IFRD1: variants seen among roughly 807,000 people sequenced by gnomAD.
The protein encoded by IFRD1 is interferon-related developmental regulator 1.
Under a neutral mutation model 52.9 loss-of-function variants are expected in IFRD1, and 35 were observed. The observed-to-expected ratio is 0.66, with a 90% CI of 0.51 to 0.88. The LOEUF (loss-of-function observed/expected upper bound fraction) is 0.88, where lower values mean the gene tolerates loss of function less well. Among genes scored for constraint, IFRD1 ranks in the 40% least tolerant of loss-of-function variants. IFRD1 has a pLI of 0.00. For missense variants in IFRD1, 517 were observed against 550.8 expected, an observed-to-expected ratio of 0.94 and a Z score of 0.61; for synonymous variants, 184 against 188.4, an observed-to-expected ratio of 0.98 and a Z score of 0.19.
intron 1 of IFRD1, among the ~76,000 whole-genome samples, chr7:112,430,971 T>C (rs1413784073): frequency 2.0e-5 from 3 of 152,190 alleles, no homozygotes; most frequent in Non-Finnish European, 4.4e-5. Context: ...TTTGAGCTCC[T>C]CCTTTCTTCT....
intron 1 of IFRD1, chr7:112,452,012 G>A (rs977226337): frequency 1.0e-6 from 1 of 983,414 alleles, no homozygotes; most frequent in Non-Finnish European, 1.2e-6. Context: ...CATAGGGAGG[G>A]ATTCTTAAAA....
Position 112,468,244 on chromosome 7 carries a change from C to G in IFRD1, c.1041+129C>G, listed in dbSNP as rs575963033. 1.5e-4 allele frequency: 151 copies of G among 1,028,656 alleles called. No individual in the cohort carries two copies. In the African/African-American group the frequency reaches 2.1e-3, roughly 14 times the overall value. 63.7% of individuals were successfully genotyped at this position (1,028,656 alleles called of 1,614,324 possible). A position where few individuals can be genotyped will look rare whatever the true frequency, so the allele number is the denominator to read the frequency against. On this transcript the variant is annotated intron_variant, in intron 9 of 11. Transcript: ENST00000403825. ...AATAATTTCTCATTTTACGACCTAGCAGGTTTTTAACAATATAAGTGAAGA... is the reference window on the plus strand; with the variant it reads ...AATAATTTCTCATTTTACGACCTAGGAGGTTTTTAACAATATAAGTGAAGA...
At chr7:112,452,456 C>A in intron 1 of IFRD1, 1 of 983,192 alleles carries the variant, frequency 1.0e-6, no homozygotes, top group Non-Finnish European at 1.2e-6. Flanking sequence ...ATATTTCTTA[C>A]CACTGTGTTT....
At chr7:112,473,219 A>G (rs1401542689) in intron 11 of IFRD1, among the ~76,000 whole-genome samples, 1 of 152,130 alleles carries the variant, frequency 6.6e-6, no homozygotes. Context: ...ATGTACATAT[A>G]TATTTTACGT....
rs780340539 is a variant in IFRD1, at chr7:112,461,850, A to G, written c.568-16A>G. 95 of 1,309,662 alleles carry G rather than the reference A, an allele frequency of 7.3e-5. No individual in the cohort carries two copies. Among genetic ancestry groups the G allele is most frequent in the Non-Finnish European group, 9.4e-5 (87 of 921,996 alleles). The allele number at this position is 1,309,662 out of a possible 1,614,324, so 81.1% of individuals were successfully genotyped here. A position where few individuals can be genotyped will look rare whatever the true frequency, so the allele number is the denominator to read the frequency against. Reference sequence around the variant, plus strand: ...TAAAATCATTAATGTCTATATATATATATTTTTTTTTTTAGTGTGCAACTT... The same window carrying G: ...TAAAATCATTAATGTCTATATATATGTATTTTTTTTTTTAGTGTGCAACTT... On this transcript the variant is annotated splice_polypyrimidine_tract_variant and intron_variant, in intron 5 of 11. Coordinates refer to ENST00000403825, the MANE Select transcript of IFRD1 (RefSeq NM_001550.4).
At chr7:112,450,842 G>A (rs141852718) in intron 1 of IFRD1, 60 bp downstream of exon 1, 13,987 of 1,162,670 alleles carry the variant, frequency 0.012, 129 homozygotes, top group Non-Finnish European at 0.016. Flanking sequence ...AGTCTTCCAT[G>A]CTTCGGCACG....
intron 5 of IFRD1, among the ~76,000 whole-genome samples, chr7:112,459,975 TACTTA>T (rs918382442): frequency 1.3e-5 from 2 of 152,266 alleles, no homozygotes; most frequent in Non-Finnish European, 2.9e-5. Flanking sequence ...TAGCTTTTGC[TACTTA>T]ACTTTTTCTT....
At chr7:112,467,009 A>G (rs1795624526) in intron 8 of IFRD1, among the ~76,000 whole-genome samples, 1 of 152,206 alleles carries the variant, frequency 6.6e-6, no homozygotes, top group African/African-American at 2.4e-5. Flanking sequence ...AGAATATGTA[A>G]TTGGAAATAT....
Position 112,475,590 on chromosome 7 carries a change from C to A in IFRD1, c.*71C>A. On this transcript the variant is annotated 3_prime_UTR_variant, in exon 12 of 12. Coordinates refer to ENST00000403825, the MANE Select transcript of IFRD1 (RefSeq NM_001550.4). ...TATTTCAATGTATTTAAACTCTAGA[C>A]ACAGTTTTTATCCTGGATTAACTTA... 1 of 930,864 alleles carries A rather than the reference C, an allele frequency of 1.1e-6. No individual in the cohort carries two copies. Among genetic ancestry groups the A allele is most frequent in the Non-Finnish European group, 1.7e-6 (1 of 592,964 alleles). 57.7% of individuals were successfully genotyped at this position (930,864 alleles called of 1,614,324 possible). A position where few individuals can be genotyped will look rare whatever the true frequency, so the allele number is the denominator to read the frequency against.
intron 5 of IFRD1, among the ~76,000 whole-genome samples, chr7:112,459,394 T>G (rs1474037217): frequency 2.6e-5 from 4 of 152,162 alleles, no homozygotes; most frequent in Non-Finnish European, 5.9e-5. Context: ...GGGGGTTTTA[T>G]TTTTTGTTTT....
intron 1 of IFRD1, among the ~76,000 whole-genome samples, chr7:112,428,816 T>G (rs1023582471): frequency 2.6e-5 from 4 of 152,168 alleles, no homozygotes; most frequent in African/African-American, 9.6e-5. Context: ...ACACAAAACC[T>G]GAATCCACCC....
chr7:112,448,294 C>T (rs563101483), upstream of IFRD1, among the ~76,000 whole-genome samples: 2 of 152,196 alleles, frequency 1.3e-5, no homozygotes, highest in East Asian at 3.9e-4. Context: ...CCAGGCCTGC[C>T]GCAGAACGAC....
At chr7:112,436,501 T>C (rs1339773237) in intron 1 of IFRD1, among the ~76,000 whole-genome samples, 1 of 152,098 alleles carries the variant, frequency 6.6e-6, no homozygotes, top group Non-Finnish European at 1.5e-5. Context: ...ACTGACGTTT[T>C]ATTAATTCAA....
intron 11 of IFRD1, among the ~76,000 whole-genome samples, chr7:112,474,844 G>T (rs1795853193): frequency 8.4e-6 from 1 of 118,670 alleles, no homozygotes; most frequent in South Asian, 2.6e-4. Flanking sequence ...TCTTTTCTTG[G>T]ATGAAACAAT....
chr7:112,442,084 G>C (rs976234463), intron 1 of IFRD1, among the ~76,000 whole-genome samples: 5 of 152,204 alleles, frequency 3.3e-5, no homozygotes, highest in African/African-American at 7.2e-5. Context: ...AAACTAGTAA[G>C]TGGTTGATAA....
chr7:112,455,981 C>A, intron 2 of IFRD1, 21 bp from the exon 3 acceptor site: 1 of 1,515,366 alleles, frequency 6.6e-7, no homozygotes, highest in Non-Finnish European at 9.2e-7. Flanking sequence ...ATTACGATGG[C>A]TGTTTTATAT....
At chr7:112,439,233 T>C (rs1250883770) in intron 1 of IFRD1, among the ~76,000 whole-genome samples, 2 of 152,224 alleles carry the variant, frequency 1.3e-5, no homozygotes, top group Non-Finnish European at 2.9e-5. Context: ...GTACATTGTA[T>C]GTACAAAACA....
intron 1 of IFRD1, among the ~76,000 whole-genome samples, chr7:112,440,318 T>C (rs1322353291): frequency 6.6e-6 from 1 of 152,236 alleles, no homozygotes; most frequent in Non-Finnish European, 1.5e-5. Flanking sequence ...TGAAAATATT[T>C]ACTAAGTGTG....
chr7:112,455,604 ATATT>A (rs1186827650), intron 1 of IFRD1, among the ~76,000 whole-genome samples, 155 bp from the exon 2 acceptor site: 2 of 152,260 alleles, frequency 1.3e-5, no homozygotes, highest in East Asian at 3.8e-4. Flanking sequence ...TAGTTTAAGA[ATATT>A]TAAGTATGTT....
Sources: allele counts gnomAD v4.1 joint callset (sites outside exome capture counted in the v4.1 genomes callset), GRCh38; gene constraint gnomAD v4.1.1; transcripts MANE v1.5; gene names NCBI Gene and HGNC (gene_info 2026-07-23, HGNC 2026-07-21).